BNC2: variants seen among roughly 807,000 people sequenced by gnomAD.
BNC2 encodes the protein basonuclin zinc finger protein 2, also known as zinc finger protein basonuclin-2.
Under a neutral mutation model 76.3 loss-of-function variants are expected in BNC2, and 20 were observed. The observed-to-expected ratio is 0.26, with a 90% CI of 0.18 to 0.38. The LOEUF (loss-of-function observed/expected upper bound fraction) is 0.38, where lower values mean the gene tolerates loss of function less well. Ranked by LOEUF, BNC2 falls within the 10% of genes least tolerant of loss-of-function variation. BNC2 has a pLI of 1.00. For missense variants in BNC2, 1,382 were observed against 1,399.8 expected (o/e 0.99, Z 0.20); for synonymous variants, 582 against 514.8 (o/e 1.13, Z -1.77).
intron 1 of BNC2, among the ~76,000 whole-genome samples, chr9:16,787,923 G>T (rs767671102): frequency 8.5e-5 from 13 of 152,118 alleles, no homozygotes; most frequent in Non-Finnish European, 1.9e-4. Context: ...TACTGAATTA[G>T]AATCACTGAA....
rs1820645160 is a variant in BNC2 at position 16,418,842 on chromosome 9, G to T, written c.*147C>A. ...TTGTTTATCTCAAGGAAATACGTGT[G>T]TGTATATGTAGCCACAGAGCATACA... On this transcript the variant is annotated 3_prime_UTR_variant, in exon 7 of 7. Transcript: ENST00000380672. 1.2e-6 allele frequency: 1 copy of T among 868,366 alleles called. No individual in the cohort carries two copies. Among genetic ancestry groups the T allele is most frequent in the Non-Finnish European group, 1.9e-6 (1 of 539,996 alleles). 53.8% of individuals were successfully genotyped at this position (868,366 alleles called of 1,614,324 possible).
At chr9:16,857,999 C>A (rs1819305062) in intron 1 of BNC2, among the ~76,000 whole-genome samples, 1 of 152,190 alleles carries the variant, frequency 6.6e-6, no homozygotes, top group African/African-American at 2.4e-5. Flanking sequence ...AACTGTAAAG[C>A]AAGCTCATGT....
intron 3 of BNC2, among the ~76,000 whole-genome samples, chr9:16,644,538 G>C (rs886788553): frequency 6.6e-6 from 1 of 152,018 alleles, no homozygotes; most frequent in African/African-American, 2.4e-5. Context: ...TAGGGATTCT[G>C]AATAATCCCA....
intron 5 of BNC2, among the ~76,000 whole-genome samples, chr9:16,551,043 C>A (rs1818646556): frequency 6.6e-6 from 1 of 152,274 alleles, no homozygotes; most frequent in South Asian, 2.1e-4. Context: ...CCCCCTCATG[C>A]CCCCTGACCG....
intron 3 of BNC2, among the ~76,000 whole-genome samples, chr9:16,627,944 T>C (rs1051029537): frequency 5.9e-5 from 9 of 152,218 alleles, no homozygotes; most frequent in Non-Finnish European, 1.3e-4. Context: ...AATTAAGTCA[T>C]TTGTCTTATG....
In BNC2 at chr9:16,738,464, G is replaced by A. The variant is rs753575838; in HGVS notation, c.25C>T (p.Pro9Ser). MAHLGPTP[P>S]PHSLNYKSED... ...GATTTGTAATTAAGGCTATGTGGAG[G>A]TGGGGTGGGCCCAAGGTGTGCCTAT... is the stretch of plus-strand genomic sequence containing the variant. Residue 9 changes from proline (P) to serine (S), a missense_variant, in exon 2 of 7, where the codon CCT becomes TCT. By Grantham distance (74) the Pro-to-Ser change is moderately conservative (BLOSUM62 -1). This residue lies in a region of BNC2 where 557 missense variants were observed against 540.9 expected (regional missense o/e 1.03). Transcript: ENST00000380672. The A allele has an allele frequency of 3.7e-5, 59 of 1,613,992 alleles. No individual in the cohort carries two copies. The highest frequency in any genetic ancestry group is 4.7e-5 in the Non-Finnish European group (55 of 1,179,998).
At chr9:16,862,518 C>A (rs988842345) in intron 1 of BNC2, among the ~76,000 whole-genome samples, 1 of 152,134 alleles carries the variant, frequency 6.6e-6, no homozygotes, top group Admixed American at 6.5e-5. Context: ...ATACCCCGTC[C>A]CAGCGCTGTT....
intron 3 of BNC2, among the ~76,000 whole-genome samples, chr9:16,621,352 G>C (rs960147813): frequency 8.5e-5 from 13 of 152,276 alleles, no homozygotes; most frequent in Non-Finnish European, 1.5e-4. Flanking sequence ...AACACTGCCT[G>C]TAATGTGTCT....
At chr9:16,822,638 A>G (rs1452461245) in intron 1 of BNC2, among the ~76,000 whole-genome samples, 1 of 152,170 alleles carries the variant, frequency 6.6e-6, no homozygotes, top group Non-Finnish European at 1.5e-5. Flanking sequence ...AAAAACACCA[A>G]AGTTGTTGTC....
chr9:16,412,617 A>C lies in BNC2; in HGVS notation c.*6372T>G, dbSNP rs996488468. On this transcript the variant is annotated 3_prime_UTR_variant, in exon 7 of 7. Transcript: ENST00000380672. ...TTGTTACTGTCCACTTAATAGCTGG[A>C]GAGGGCATCGAGAGGCAGCCTTGGG... 1 of 152,532 alleles carries C rather than the reference A, an allele frequency of 6.6e-6. No individual in the cohort carries two copies. Among genetic ancestry groups the C allele is most frequent in the African/African-American group, 2.4e-5 (1 of 41,406 alleles). 9.4% of individuals were successfully genotyped at this position (152,532 alleles called of 1,614,324 possible). A position where few individuals can be genotyped will look rare whatever the true frequency, so the allele number is the denominator to read the frequency against.
At chr9:16,425,240 G>A (rs1186830150) in intron 6 of BNC2, among the ~76,000 whole-genome samples, 1 of 152,172 alleles carries the variant, frequency 6.6e-6, no homozygotes, top group Non-Finnish European at 1.5e-5. Context: ...TTGAAGATAA[G>A]CTCCTACCAA....
intron 1 of BNC2, among the ~76,000 whole-genome samples, chr9:16,856,236 G>T (rs1284781978): frequency 6.6e-6 from 1 of 150,712 alleles, no homozygotes; most frequent in African/African-American, 2.4e-5. Flanking sequence ...CAAACTACCA[G>T]TTTCTCATCC....
At chr9:16,504,359 G>C (rs1822582228) in intron 5 of BNC2, among the ~76,000 whole-genome samples, 1 of 130,960 alleles carries the variant, frequency 7.6e-6, no homozygotes, top group South Asian at 2.3e-4. Flanking sequence ...CAGAATCCAA[G>C]TCCACATATT....
chr9:16,734,215 C>G (rs1328551691), intron 2 of BNC2, among the ~76,000 whole-genome samples: 1 of 152,208 alleles, frequency 6.6e-6, no homozygotes, highest in African/African-American at 2.4e-5. Context: ...ACTACTGGAT[C>G]TAACCTAGTG....
intron 3 of BNC2, among the ~76,000 whole-genome samples, chr9:16,688,081 A>G (rs749675585): frequency 6.6e-6 from 1 of 152,188 alleles, no homozygotes; most frequent in Non-Finnish European, 1.5e-5. Flanking sequence ...TATTCTAAAA[A>G]ATGAGGGATA....
At chr9:16,782,790 C>T (rs1318147374) in intron 1 of BNC2, among the ~76,000 whole-genome samples, 1 of 152,158 alleles carries the variant, frequency 6.6e-6, no homozygotes, top group Non-Finnish European at 1.5e-5. Flanking sequence ...GAAACGTCTA[C>T]CTTTTGTTCA....
intron 6 of BNC2, chr9:16,429,792 G>A: frequency 2.7e-6 from 1 of 372,222 alleles, no homozygotes; most frequent in Non-Finnish European, 5.4e-6. Flanking sequence ...TGGTCTATTT[G>A]GTGCACAGTT....
At chr9:16,635,680 T>G (rs1235678194) in intron 3 of BNC2, among the ~76,000 whole-genome samples, 1 of 152,232 alleles carries the variant, frequency 6.6e-6, no homozygotes, top group African/African-American at 2.4e-5. Flanking sequence ...TATACAGATT[T>G]CTTGGCCAAC....
rs75401099 is a variant in BNC2 at position 16,488,371 on chromosome 9, G to C, written c.670-50847C>G. On this transcript the variant is annotated intron_variant, in intron 5 of 6. Transcript: ENST00000380672. ...GACAACAGTACTAACAGCTAAATAG[G>C]GTTTACGTAACACTAGCAGGCCTAT... is the stretch of plus-strand genomic sequence containing the variant. 4.1e-3 allele frequency among the ~76,000 whole-genome samples: 623 copies of C among 152,118 alleles called. 2 individuals are homozygous for C. The highest frequency in any genetic ancestry group is 0.017 in the Middle Eastern group (5 of 294).
Sources: allele counts gnomAD v4.1 joint callset (sites outside exome capture counted in the v4.1 genomes callset), GRCh38; gene constraint gnomAD v4.1.1; regional missense constraint gnomAD v4.1.1; transcripts MANE v1.5; gene names NCBI Gene and HGNC (gene_info 2026-07-23, HGNC 2026-07-21).